The following SGCZ variants were observed in gnomAD, a reference collection of about 807,000 sequenced individuals.
The protein encoded by SGCZ is zeta-sarcoglycan.
A neutral mutation model predicts 41.3 loss-of-function variants in SGCZ; 40 were observed. The ratio of observed to expected loss-of-function variants is 0.97; its 90% CI spans 0.75 to 1.26. The LOEUF is 1.26. Among genes scored for constraint, SGCZ ranks in the 50% most tolerant of loss-of-function variants. The pLI, the probability that SGCZ is intolerant of heterozygous loss-of-function variation, is 0.00. For synonymous variants in SGCZ, 206 were observed against 137.5 expected, an observed-to-expected ratio of 1.50 and a Z score of -3.49; for missense variants, 552 against 369.8, an observed-to-expected ratio of 1.49 and a Z score of -4.04.
At chr8:14,880,917 C>T (rs530221320) in intron 1 of SGCZ, among the ~76,000 whole-genome samples, 1 of 151,924 alleles carries the variant, frequency 6.6e-6, no homozygotes, top group African/African-American at 2.4e-5. Flanking sequence ...AACAAACCTG[C>T]ATGTTGTGCA....
In SGCZ at chr8:14,661,746, T is replaced by C. The variant is rs566931795; in HGVS notation, c.40-106820A>G. Among the ~76,000 whole-genome samples, 6 of 152,114 alleles carry C rather than the reference T, an allele frequency of 3.9e-5. No homozygotes were observed. In the South Asian group the frequency reaches 1.2e-3, roughly 32 times the overall value. On this transcript the variant is annotated intron_variant, in intron 1 of 7. Transcript: ENST00000382080. Reference sequence around the variant, plus strand: ...GGAGAGTAGAGTAACACATGAACAATGAATGGGAGAAGAAAATTTAAATTC... The same window carrying C: ...GGAGAGTAGAGTAACACATGAACAACGAATGGGAGAAGAAAATTTAAATTC...
At chr8:14,885,760 C>A (rs1037697609) in intron 1 of SGCZ, among the ~76,000 whole-genome samples, 2 of 151,664 alleles carry the variant, frequency 1.3e-5, no homozygotes, top group African/African-American at 4.8e-5. Context: ...TTGTTTTAAT[C>A]AGTCTTTTAA....
chr8:15,137,258 G>A (rs142522998), intron 1 of SGCZ, among the ~76,000 whole-genome samples: 1 of 152,192 alleles, frequency 6.6e-6, no homozygotes, highest in Admixed American at 6.5e-5. Flanking sequence ...CGTATCTGGT[G>A]GAAGAAATTT....
At chr8:15,145,738 A>C (rs1799018858) in intron 1 of SGCZ, among the ~76,000 whole-genome samples, 1 of 152,206 alleles carries the variant, frequency 6.6e-6, no homozygotes, top group Non-Finnish European at 1.5e-5. Flanking sequence ...TACAGGTGTG[A>C]GCACCATACG....
chr8:14,826,119 C>T (rs73533102), intron 1 of SGCZ, among the ~76,000 whole-genome samples: 22,137 of 137,362 alleles, frequency 0.16, 2,709 homozygotes, highest in African/African-American at 0.34. Flanking sequence ...AAGTGTGATG[C>T]TCCCCTTCCT....
At chr8:14,957,944 AAG>A (rs1483421370) in intron 1 of SGCZ, among the ~76,000 whole-genome samples, 3 of 152,068 alleles carry the variant, frequency 2.0e-5, no homozygotes, top group Admixed American at 6.6e-5. Flanking sequence ...GTGCAACACT[AAG>A]AGTGTGAAAT....
At chr8:14,107,920 G>C (rs1802255150) in intron 6 of SGCZ, among the ~76,000 whole-genome samples, 1 of 152,132 alleles carries the variant, frequency 6.6e-6, no homozygotes. Flanking sequence ...TGGGGTTACA[G>C]GTGTGAGCCA....
chr8:14,181,085 C>G (rs944246072), intron 4 of SGCZ, among the ~76,000 whole-genome samples: 1 of 152,138 alleles, frequency 6.6e-6, no homozygotes, highest in Non-Finnish European at 1.5e-5. Context: ...GTGTGATAGT[C>G]TAAGCCAGGC....
chr8:14,968,755 G>C (rs1368758755), intron 1 of SGCZ, among the ~76,000 whole-genome samples: 3 of 152,066 alleles, frequency 2.0e-5, no homozygotes, highest in Non-Finnish European at 4.4e-5. Flanking sequence ...TTAATTGTGT[G>C]GTTGGGAAGG....
At chr8:15,206,956 G>T (rs1416372360) in intron 1 of SGCZ, among the ~76,000 whole-genome samples, 1 of 152,076 alleles carries the variant, frequency 6.6e-6, no homozygotes, top group Non-Finnish European at 1.5e-5. Context: ...AATCTAATAA[G>T]GATTTAGTAA....
intron 1 of SGCZ, among the ~76,000 whole-genome samples, chr8:15,135,983 G>A (rs1006492135): frequency 6.6e-6 from 1 of 152,078 alleles, no homozygotes; most frequent in South Asian, 2.1e-4. Context: ...TTTAAAAAAC[G>A]GTGGTAACTT....
chr8:14,913,449 A>T (rs1799336090), intron 1 of SGCZ, among the ~76,000 whole-genome samples: 1 of 152,034 alleles, frequency 6.6e-6, no homozygotes, highest in Non-Finnish European at 1.5e-5. Flanking sequence ...GAGCTATGAG[A>T]TGTTTGTACC....
At chr8:15,146,343 A>C (rs1799037453) in intron 1 of SGCZ, among the ~76,000 whole-genome samples, 1 of 152,212 alleles carries the variant, frequency 6.6e-6, no homozygotes, top group African/African-American at 2.4e-5. Flanking sequence ...AATTCTAATC[A>C]ATTATTTGAG....
chr8:14,750,750 T>A (rs78856523), intron 1 of SGCZ, among the ~76,000 whole-genome samples: 3,466 of 152,316 alleles, frequency 0.023, 65 homozygotes, highest in South Asian at 0.042. Context: ...GCATGACTAA[T>A]CAAGTTGGCT....
At chr8:15,119,019 G>T (rs1475251591) in intron 1 of SGCZ, among the ~76,000 whole-genome samples, 2 of 152,044 alleles carry the variant, frequency 1.3e-5, no homozygotes, top group African/African-American at 2.4e-5. Context: ...TGAGTAGAAG[G>T]CACGCTTTTG....
chr8:15,117,004 T>C (rs539998105), intron 1 of SGCZ, among the ~76,000 whole-genome samples: 1 of 152,370 alleles, frequency 6.6e-6, no homozygotes, highest in African/African-American at 2.4e-5. Context: ...TAATAACAGT[T>C]ACATCTTTGC....
chr8:14,406,306 A>C (rs1053246026), intron 2 of SGCZ, among the ~76,000 whole-genome samples: 1 of 151,710 alleles, frequency 6.6e-6, no homozygotes, highest in African/African-American at 2.4e-5. Flanking sequence ...ATCATGCCCC[A>C]CTCTATTCAC....
chr8:14,737,139 TAA>T (rs1264203914), intron 1 of SGCZ, among the ~76,000 whole-genome samples: 1 of 60,972 alleles, frequency 1.6e-5, no homozygotes, highest in African/African-American at 7.1e-5. Context: ...ACTGGATATA[TAA>T]GATATATATA....
At chr8:15,003,478 A>T (rs372639581) in intron 1 of SGCZ, among the ~76,000 whole-genome samples, 27 of 152,322 alleles carry the variant, frequency 1.8e-4, no homozygotes, top group African/African-American at 5.5e-4. Context: ...GGTGATTGAT[A>T]AAAAATTGAT....
Sources: gnomAD v4.1 joint callset for allele counts (sites outside exome capture counted in the v4.1 genomes callset) on GRCh38, gnomAD v4.1.1 for gene constraint, MANE v1.5 for transcripts, NCBI Gene and HGNC (gene_info 2026-07-23, HGNC 2026-07-21) for gene names.